The following NTRK3 variants were observed in gnomAD, a reference collection of about 807,000 sequenced individuals.
The protein encoded by NTRK3 is neurotrophic receptor tyrosine kinase 3.
A neutral mutation model predicts 91.7 loss-of-function variants in NTRK3; 24 were observed. The observed-to-expected ratio is 0.26, with a 90% confidence interval of 0.19 to 0.37. The LOEUF (loss-of-function observed/expected upper bound fraction) is 0.37, where lower values mean the gene tolerates loss of function less well. Among genes scored for constraint, NTRK3 ranks in the 10% least tolerant of loss-of-function variants. NTRK3 has a pLI of 1.00. For missense variants in NTRK3, 880 were observed against 1,068.9 expected (o/e 0.82, Z 2.46); for synonymous variants, 483 against 404.0 (o/e 1.20, Z -2.34).
chr15:88,035,569 T>C (rs1240119833), intron 13 of NTRK3, among the ~76,000 whole-genome samples: 1 of 152,200 alleles, frequency 6.6e-6, no homozygotes, highest in African/African-American at 2.4e-5. Flanking sequence ...CATGCCACAG[T>C]GAAACCTGCC....
Position 87,899,326 on chromosome 15 carries a change from C to A in NTRK3, c.2134-18898G>T, listed in dbSNP as rs377673919. Among the ~76,000 whole-genome samples, 79 of 152,228 alleles carry A rather than the reference C, an allele frequency of 5.2e-4. 2 individuals carry two copies. The South Asian group carries it at 0.016, about 31-fold the overall frequency. On this transcript the variant is annotated intron_variant, in intron 17 of 18. Transcript: ENST00000394480. ...AAGGCTGTCTTGAGGAAAGATAAGT[C>A]TTTGCTGGTTTGTGCTGCTATAATA...
chr15:88,135,712 G>T (rs1334828098), intron 9 of NTRK3, among the ~76,000 whole-genome samples, 187 bp downstream of exon 9: 2 of 152,198 alleles, frequency 1.3e-5, no homozygotes, highest in Admixed American at 6.5e-5. Flanking sequence ...AGGGACAAAG[G>T]TGCTCTTTCT....
At chr15:87,949,273 C>G (rs1014189127) in intron 14 of NTRK3, among the ~76,000 whole-genome samples, 2 of 152,140 alleles carry the variant, frequency 1.3e-5, no homozygotes, top group East Asian at 3.9e-4. Flanking sequence ...CCCGAGGAAC[C>G]AAGATCGTAT....
chr15:88,003,683 C>A (rs2076276834), intron 14 of NTRK3, among the ~76,000 whole-genome samples: 1 of 152,124 alleles, frequency 6.6e-6, no homozygotes, highest in South Asian at 2.1e-4. Flanking sequence ...AAGTTTCAAC[C>A]AGGGAATCAC....
chr15:88,048,655 C>T (rs934749813), intron 13 of NTRK3, among the ~76,000 whole-genome samples: 5 of 152,164 alleles, frequency 3.3e-5, no homozygotes, highest in Non-Finnish European at 7.3e-5. Context: ...CTGGCCCCTC[C>T]TTTTCCTGCA....
chr15:88,079,224 C>G (rs2047830695), intron 13 of NTRK3, among the ~76,000 whole-genome samples: 1 of 152,154 alleles, frequency 6.6e-6, no homozygotes, highest in African/African-American at 2.4e-5. Flanking sequence ...AACAAAGAGA[C>G]TGGGATTAGA....
At chr15:88,196,974 C>T (rs2047876783) in intron 3 of NTRK3, among the ~76,000 whole-genome samples, 1 of 151,986 alleles carries the variant, frequency 6.6e-6, no homozygotes, top group African/African-American at 2.4e-5. Flanking sequence ...AATGAGTACT[C>T]CTGACTTGAA....
chr15:88,092,409 G>A (rs1217580644), intron 13 of NTRK3, among the ~76,000 whole-genome samples: 7 of 152,166 alleles, frequency 4.6e-5, no homozygotes, highest in Non-Finnish European at 8.8e-5. Context: ...CCTTTGGCAG[G>A]TGAGAGCCCA....
At chr15:87,931,363 G>C (rs1239036197) in intron 16 of NTRK3, 1 of 358,808 alleles carries the variant, frequency 2.8e-6, no homozygotes, top group Non-Finnish European at 5.5e-6. Context: ...AAGCTACCAT[G>C]GTTCACAATT....
intron 3 of NTRK3, among the ~76,000 whole-genome samples, chr15:88,207,072 C>A (rs1214982464): frequency 1.3e-5 from 2 of 152,234 alleles, no homozygotes; most frequent in Non-Finnish European, 2.9e-5. Flanking sequence ...GCGTCTAGCT[C>A]CGCCCCGACA....
intron 13 of NTRK3, among the ~76,000 whole-genome samples, chr15:88,053,205 A>G (rs2045382697): frequency 6.6e-6 from 1 of 152,216 alleles, no homozygotes; most frequent in East Asian, 1.9e-4. Context: ...TGGCAGCCAC[A>G]AAGGAAGGTG....
intron 17 of NTRK3, among the ~76,000 whole-genome samples, chr15:87,893,182 C>G (rs2065933945): frequency 6.6e-6 from 1 of 152,106 alleles, no homozygotes; most frequent in Admixed American, 6.5e-5. Flanking sequence ...TGTCTTTCCC[C>G]AAGGCTGTAT....
At chr15:87,996,007 G>A (rs2075668850) in intron 14 of NTRK3, among the ~76,000 whole-genome samples, 1 of 152,122 alleles carries the variant, frequency 6.6e-6, no homozygotes, top group African/African-American at 2.4e-5. Flanking sequence ...ACTTTGGAAG[G>A]CTGAGGCAGG....
At chr15:88,114,493 T>G (rs2051814576) in intron 13 of NTRK3, among the ~76,000 whole-genome samples, 2 of 152,228 alleles carry the variant, frequency 1.3e-5, no homozygotes, top group South Asian at 4.1e-4. Context: ...TGTAAACATG[T>G]TCACATGTCA....
At chr15:87,984,000 C>A (rs549305291) in intron 14 of NTRK3, among the ~76,000 whole-genome samples, 1 of 152,220 alleles carries the variant, frequency 6.6e-6, no homozygotes, top group Non-Finnish European at 1.5e-5. Context: ...CTGGGACCTT[C>A]CAGATAAGGA....
intron 14 of NTRK3, among the ~76,000 whole-genome samples, chr15:88,003,080 A>C (rs946585663): frequency 2.5e-4 from 38 of 152,364 alleles, no homozygotes; most frequent in African/African-American, 9.1e-4. Context: ...GGTTGAGAAG[A>C]AGCAAGAAAG....
intron 3 of NTRK3, among the ~76,000 whole-genome samples, chr15:88,197,094 C>CCA (rs2047890847): frequency 1.8e-5 from 1 of 56,510 alleles, no homozygotes; most frequent in African/African-American, 4.9e-5. Context: ...TTGAGCAGGA[C>CCA]AAAAAAAAAA....
chr15:88,101,440 A>C (rs886190156), intron 13 of NTRK3, among the ~76,000 whole-genome samples: 1 of 152,228 alleles, frequency 6.6e-6, no homozygotes, highest in African/African-American at 2.4e-5. Flanking sequence ...TAGTTCAACC[A>C]TTGTGGAAGT....
At chr15:87,874,652 T>C (rs151173932) in exon 19 of NTRK3, 11 of 232,556 alleles carry the variant, frequency 4.7e-5, no homozygotes, top group South Asian at 1.8e-4. Context: ...AACAGGAGCA[T>C]TGGTGCTTCA....
Sources: gnomAD v4.1 joint callset for allele counts (sites outside exome capture counted in the v4.1 genomes callset) on GRCh38, gnomAD v4.1.1 for gene constraint, MANE v1.5 for transcripts, NCBI Gene and HGNC (gene_info 2026-07-23, HGNC 2026-07-21) for gene names.